Variants in TNIK observed in about 807,000 individuals in gnomAD.
TNIK encodes TRAF2 and NCK-interacting protein kinase.
In TNIK, 49 loss-of-function variants were observed where a neutral mutation model predicts 191.3. The ratio of observed to expected loss-of-function variants is 0.26; its 90% confidence interval spans 0.20 to 0.32. The LOEUF is 0.32. Among genes scored for constraint, TNIK ranks in the 10% least tolerant of loss-of-function variants. The probability of loss-of-function intolerance (pLI) is 1.00; values close to 1 mark genes in which losing one functional copy is unlikely to be tolerated. For missense variants in TNIK, 1,155 were observed against 1,702.3 expected, an observed-to-expected ratio of 0.68 and a Z score of 5.66; for synonymous variants, 594 against 600.9, an observed-to-expected ratio of 0.99 and a Z score of 0.17.
chr3:171,220,898 T>C (rs1044379387), intron 3 of TNIK, among the ~76,000 whole-genome samples: 4 of 152,196 alleles, frequency 2.6e-5, no homozygotes, highest in African/African-American at 4.8e-5. Context: ...GTATCTAACA[T>C]GTGAGCATAC....
chr3:171,196,299 T>C (rs1029068409), intron 4 of TNIK, among the ~76,000 whole-genome samples: 1 of 152,140 alleles, frequency 6.6e-6, no homozygotes, highest in Non-Finnish European at 1.5e-5. Flanking sequence ...ACTCAGGCAG[T>C]GATCATCAAT....
chr3:171,404,895 A>G (rs1721458042), intron 1 of TNIK, among the ~76,000 whole-genome samples: 1 of 152,160 alleles, frequency 6.6e-6, no homozygotes, highest in Non-Finnish European at 1.5e-5. Context: ...AGCCTATAAC[A>G]CATCAGCTTG....
chr3:171,064,467 A>G (rs1560061253), intron 32 of TNIK, among the ~76,000 whole-genome samples: 2 of 152,228 alleles, frequency 1.3e-5, no homozygotes, highest in African/African-American at 4.8e-5. Context: ...AGTTTTTTAA[A>G]TTTAAGATAA....
At chr3:171,345,133 AACT>A (rs1378482901) in intron 2 of TNIK, among the ~76,000 whole-genome samples, 2 of 152,194 alleles carry the variant, frequency 1.3e-5, no homozygotes, top group Non-Finnish European at 2.9e-5. Context: ...TCTTCAACAC[AACT>A]ACTGCTTCCA....
intron 2 of TNIK, among the ~76,000 whole-genome samples, chr3:171,303,812 T>C (rs1237027811): frequency 2.0e-5 from 3 of 152,238 alleles, no homozygotes; most frequent in Non-Finnish European, 2.9e-5. Flanking sequence ...TGTTTTCTGG[T>C]GGTGTTAAGA....
intron 1 of TNIK, among the ~76,000 whole-genome samples, chr3:171,440,128 T>C (rs1452438197): frequency 6.6e-6 from 1 of 152,160 alleles, no homozygotes; most frequent in Non-Finnish European, 1.5e-5. Flanking sequence ...GAGCTGAGCC[T>C]CCACCCAGTT....
At position 171,295,005 on chromosome 3, in the gene TNIK, A is replaced by AAGAGAGAGAGAG. The variant is rs141597723; in HGVS notation, c.124-66796_124-66785dup. 2.7e-5 allele frequency among the ~76,000 whole-genome samples: 4 copies of AAGAGAGAGAGAG among 146,594 alleles called. No homozygotes were observed. In the East Asian group the frequency reaches 6.0e-4, roughly 22 times the overall value. ...TCACTTTGAATAGGTCTGGCCAGGG[A>AAGAGAGAGAGAG]AGAGAGAGAGAGAGAGAGAGAGGAA... On this transcript the variant is annotated intron_variant, in intron 2 of 32. Coordinates refer to ENST00000436636, the MANE Select transcript of TNIK (RefSeq NM_015028.4).
intron 2 of TNIK, among the ~76,000 whole-genome samples, chr3:171,317,767 T>C (rs1199498371): frequency 1.2e-4 from 18 of 152,314 alleles, no homozygotes; most frequent in Admixed American, 1.2e-3. Flanking sequence ...ATTGTGTTTT[T>C]CTGTTCACAT....
At chr3:171,141,671 CACAGGA>C (rs1730858994) in intron 12 of TNIK, among the ~76,000 whole-genome samples, 1 of 152,260 alleles carries the variant, frequency 6.6e-6, no homozygotes, top group Non-Finnish European at 1.5e-5. Flanking sequence ...CTGTGCAAGG[CACAGGA>C]TTGTCACATA....
At chr3:171,290,347 A>G (rs897599252) in intron 2 of TNIK, among the ~76,000 whole-genome samples, 1 of 152,222 alleles carries the variant, frequency 6.6e-6, no homozygotes, top group African/African-American at 2.4e-5. Flanking sequence ...TCCTACCACC[A>G]TCATTAACTA....
intron 22 of TNIK, among the ~76,000 whole-genome samples, chr3:171,096,646 T>C (rs1722760034): frequency 6.6e-6 from 1 of 152,126 alleles, no homozygotes; most frequent in Non-Finnish European, 1.5e-5. Flanking sequence ...ACTCATTCTT[T>C]AAGCCTCACT....
At chr3:171,189,351 C>G (rs1381422056) in intron 6 of TNIK, among the ~76,000 whole-genome samples, 1 of 152,062 alleles carries the variant, frequency 6.6e-6, no homozygotes, top group Non-Finnish European at 1.5e-5. Context: ...TTGCTTCTAC[C>G]TTTTCTATAT....
At chr3:171,138,950 A>G (rs1730404261) in intron 14 of TNIK, among the ~76,000 whole-genome samples, 1 of 152,206 alleles carries the variant, frequency 6.6e-6, no homozygotes, top group Non-Finnish European at 1.5e-5. Flanking sequence ...GAGCAGTGCT[A>G]TAATAATAAA....
chr3:171,144,131 CT>C (rs1731217681), intron 12 of TNIK, among the ~76,000 whole-genome samples: 1 of 152,214 alleles, frequency 6.6e-6, no homozygotes, highest in Non-Finnish European at 1.5e-5. Context: ...GATTCTCCAC[CT>C]ATATTGAACT....
intron 23 of TNIK, 40 bp from the exon 24 acceptor site, chr3:171,087,546 G>A (rs1031027083): frequency 6.2e-7 from 1 of 1,600,598 alleles, no homozygotes. Flanking sequence ...AGAGAGGGGG[G>A]AAAAAGGCCA....
intron 1 of TNIK, among the ~76,000 whole-genome samples, chr3:171,427,328 G>A (rs1260929347): frequency 6.6e-6 from 1 of 152,060 alleles, no homozygotes; most frequent in Non-Finnish European, 1.5e-5. Context: ...CAGCTCTTAT[G>A]TTTCTTCTCT....
intron 2 of TNIK, among the ~76,000 whole-genome samples, chr3:171,291,087 TA>T (rs1159902484): frequency 6.6e-6 from 1 of 152,142 alleles, no homozygotes; most frequent in Non-Finnish European, 1.5e-5. Context: ...ACAATCTACT[TA>T]GAGTTCATAC....
chr3:171,085,142 C>T lies in TNIK; in HGVS notation c.2974G>A (p.Glu992Lys). The change falls in exon 25 of 33, where the codon GAG becomes AAG. Residue 992 changes from glutamate (E) to lysine (K), a missense_variant. By Grantham distance (56) the Glu-to-Lys change is moderately conservative. Transcript: ENST00000436636. Reference protein sequence around the residue: ...YQTSPTDEDEEDEESSAAALF... With the variant: ...YQTSPTDEDEKDEESSAAALF... ...CCTGCGGCTGATGATTCCTCATCCTCTTCATCTTCATCAGTGGGAGACGTC... is the reference window on the plus strand; with the variant it reads ...CCTGCGGCTGATGATTCCTCATCCTTTTCATCTTCATCAGTGGGAGACGTC... The T allele has an allele frequency of 1.2e-6, 2 of 1,610,574 alleles. No homozygotes were observed. The highest frequency in any genetic ancestry group is 1.7e-5 in the Admixed American group (1 of 59,658).
intron 2 of TNIK, among the ~76,000 whole-genome samples, chr3:171,250,671 G>A (rs1560321574): frequency 6.6e-6 from 1 of 152,170 alleles, no homozygotes; most frequent in Admixed American, 6.5e-5. Context: ...CTGGCTGTGT[G>A]ACCATGAGGA....
Sources: allele counts gnomAD v4.1 joint callset (sites outside exome capture counted in the v4.1 genomes callset), GRCh38; gene constraint gnomAD v4.1.1; transcripts MANE v1.5; gene names NCBI Gene and HGNC (gene_info 2026-07-23, HGNC 2026-07-21).